Variants in BMPR1A observed in about 807,000 individuals in gnomAD.
BMPR1A encodes bone morphogenetic protein receptor type 1A, also known as bone morphogenetic protein receptor type-1A.
A neutral mutation model predicts 66.0 loss-of-function variants in BMPR1A; 7 were observed. The ratio of observed to expected loss-of-function variants is 0.11; its 90% CI spans 0.06 to 0.20. The LOEUF is 0.20. Ranked by LOEUF, BMPR1A falls within the 10% of genes least tolerant of loss-of-function variation. The pLI, the probability that BMPR1A is intolerant of heterozygous loss-of-function variation, is 1.00. For missense variants in BMPR1A, 408 were observed against 669.1 expected, an observed-to-expected ratio of 0.61 and a Z score of 4.31; for synonymous variants, 200 against 229.7, an observed-to-expected ratio of 0.87 and a Z score of 1.17.
At chr10:86,809,291 C>G (rs1841933378) in intron 1 of BMPR1A, among the ~76,000 whole-genome samples, 1 of 148,180 alleles carries the variant, frequency 6.7e-6, no homozygotes, top group African/African-American at 2.5e-5. Context: ...AAACAGGCCC[C>G]CCTCCCTTTT....
chr10:86,841,150 C>T (rs1842419848), intron 2 of BMPR1A, among the ~76,000 whole-genome samples: 1 of 152,120 alleles, frequency 6.6e-6, no homozygotes, highest in South Asian at 2.1e-4. Context: ...TATTAAACAC[C>T]TACTGTATGC....
At chr10:86,761,933 G>A (rs186739428) in intron 1 of BMPR1A, among the ~76,000 whole-genome samples, 54 of 152,298 alleles carry the variant, frequency 3.5e-4, no homozygotes, top group Non-Finnish European at 4.3e-4. Flanking sequence ...TTTCCACTTG[G>A]CAGTTGTCTA....
At chr10:86,908,628 A>AT (rs1188942719) in intron 7 of BMPR1A, among the ~76,000 whole-genome samples, 1 of 152,130 alleles carries the variant, frequency 6.6e-6, no homozygotes, top group African/African-American at 2.4e-5. Context: ...TTACCACGTC[A>AT]TTGCACCTCT....
At chr10:86,855,799 G>T in intron 2 of BMPR1A, 1 of 1,140,292 alleles carries the variant, frequency 8.8e-7, no homozygotes, top group Non-Finnish European at 1.3e-6. Context: ...AATTTGGTCT[G>T]TTTCCTGGTA....
At chr10:86,767,306 C>A (rs910990119) in intron 1 of BMPR1A, among the ~76,000 whole-genome samples, 1 of 152,220 alleles carries the variant, frequency 6.6e-6, no homozygotes, top group Non-Finnish European at 1.5e-5. Flanking sequence ...TAACAGTACA[C>A]ATGCATGCTT....
upstream of BMPR1A, chr10:86,756,556 G>C (rs962531141): frequency 8.7e-5 from 13 of 150,036 alleles, no homozygotes; most frequent in African/African-American, 2.9e-4. Flanking sequence ...CGCCGTGCAA[G>C]GCCCGCGGAC....
At position 86,924,026 on chromosome 10, in the gene BMPR1A, T is replaced by TGG. The variant is rs1169986234; in HGVS notation, c.*309_*310dup. 1 of 444,488 alleles carries TGG rather than the reference T, an allele frequency of 2.2e-6. No individual in the cohort carries two copies. Among genetic ancestry groups the TGG allele is most frequent in the Non-Finnish European group, 4.2e-6 (1 of 239,894 alleles). 27.5% of individuals were successfully genotyped at this position (444,488 alleles called of 1,614,324 possible). On this transcript the variant is annotated 3_prime_UTR_variant, in exon 13 of 13. Coordinates refer to ENST00000372037, the MANE Select transcript of BMPR1A (RefSeq NM_004329.3). ...CTGATTAGTGTCTCCAGTCAAGCTCTGGGTACTGAATTGCCTGTTCATAAA... is the reference window on the plus strand; with the variant it reads ...CTGATTAGTGTCTCCAGTCAAGCTCTGGGGGTACTGAATTGCCTGTTCATAAA...
At chr10:86,774,473 T>C (rs753322462) in intron 1 of BMPR1A, among the ~76,000 whole-genome samples, 4 of 152,082 alleles carry the variant, frequency 2.6e-5, no homozygotes, top group South Asian at 2.1e-4. Context: ...GTCAGAGATA[T>C]ACTCTTTAAA....
intron 1 of BMPR1A, among the ~76,000 whole-genome samples, chr10:86,786,266 T>A (rs1376854011): frequency 6.6e-6 from 1 of 152,100 alleles, no homozygotes; most frequent in African/African-American, 2.4e-5. Flanking sequence ...CAACAAAACT[T>A]CTCTGAACTC....
intron 1 of BMPR1A, among the ~76,000 whole-genome samples, chr10:86,804,436 C>T (rs972483078): frequency 2.0e-5 from 3 of 152,086 alleles, no homozygotes; most frequent in African/African-American, 4.8e-5. Context: ...GATGGGGTTT[C>T]GCCATCTCCT....
chr10:86,773,067 G>A (rs1841289309), intron 1 of BMPR1A, among the ~76,000 whole-genome samples: 1 of 151,814 alleles, frequency 6.6e-6, no homozygotes, highest in Non-Finnish European at 1.5e-5. Context: ...AATTTGTAGG[G>A]GTGGGGGTAT....
intron 2 of BMPR1A, chr10:86,854,830 C>A: frequency 4.0e-6 from 1 of 251,526 alleles, no homozygotes; most frequent in South Asian, 7.3e-5. Context: ...TATCTGAGCA[C>A]CTAAAAGGTA....
At chr10:86,772,792 T>G (rs1190412047) in intron 1 of BMPR1A, among the ~76,000 whole-genome samples, 1 of 152,178 alleles carries the variant, frequency 6.6e-6, no homozygotes, top group East Asian at 1.9e-4. Flanking sequence ...TTAAAGTTTC[T>G]TTTCAAAACA....
At chr10:86,809,260 T>G (rs1841932923) in intron 1 of BMPR1A, among the ~76,000 whole-genome samples, 1 of 152,090 alleles carries the variant, frequency 6.6e-6, no homozygotes, top group African/African-American at 2.4e-5. Context: ...CTATGTATTT[T>G]CAGAACTTTT....
At chr10:86,855,635 C>G in intron 2 of BMPR1A, 1 of 671,242 alleles carries the variant, frequency 1.5e-6, no homozygotes, top group Non-Finnish European at 2.7e-6. Context: ...AGGAAGTTCA[C>G]ATGTGGCAGC....
intron 1 of BMPR1A, among the ~76,000 whole-genome samples, chr10:86,772,125 G>GTT (rs1564679111): frequency 7.3e-5 from 9 of 122,532 alleles, no homozygotes; most frequent in African/African-American, 3.1e-4. Flanking sequence ...GTCAGAGATA[G>GTT]GTTTTTTTTT....
chr10:86,759,307 C>CT (rs1220956059), intron 1 of BMPR1A, among the ~76,000 whole-genome samples: 5 of 152,210 alleles, frequency 3.3e-5, no homozygotes, highest in Non-Finnish European at 5.9e-5. Flanking sequence ...TTTCAGATCA[C>CT]TTTTCTCTAT....
intron 1 of BMPR1A, among the ~76,000 whole-genome samples, chr10:86,819,002 A>C (rs1842076039): frequency 6.6e-6 from 1 of 152,134 alleles, no homozygotes; most frequent in South Asian, 2.1e-4. Context: ...CCTGCCTCCG[A>C]ATTGTTTTGG....
chr10:86,764,906 T>A (rs981273870), intron 1 of BMPR1A, among the ~76,000 whole-genome samples: 1 of 152,194 alleles, frequency 6.6e-6, no homozygotes, highest in Non-Finnish European at 1.5e-5. Context: ...CTGTTAGGGA[T>A]ACATTGGATT....
Sources: allele counts gnomAD v4.1 joint callset (sites outside exome capture counted in the v4.1 genomes callset), GRCh38; gene constraint gnomAD v4.1.1; transcripts MANE v1.5; gene names NCBI Gene and HGNC (gene_info 2026-07-23, HGNC 2026-07-21).